The following KLHL32 variants were observed in gnomAD, a reference collection of about 807,000 sequenced individuals.
The protein encoded by KLHL32 is kelch like family member 32, also known as kelch-like protein 32.
Under a neutral mutation model 64.8 loss-of-function variants are expected in KLHL32, and 35 were observed. The ratio of observed to expected loss-of-function variants is 0.54; its 90% CI spans 0.41 to 0.72. KLHL32 has a LOEUF of 0.72. KLHL32 is among the 30% of genes least tolerant of loss of function. The pLI is 0.00. For missense variants in KLHL32, 589 were observed against 768.5 expected (o/e 0.77, Z 2.76); for synonymous variants, 259 against 281.0 (o/e 0.92, Z 0.78).
intron 6 of KLHL32, among the ~76,000 whole-genome samples, chr6:97,094,254 G>T (rs1794658349): frequency 6.6e-6 from 1 of 152,184 alleles, no homozygotes; most frequent in East Asian, 1.9e-4. Context: ...TGCTATTCTG[G>T]GAGTTCTATA....
At chr6:97,111,341 C>T (rs1797106981) in intron 6 of KLHL32, among the ~76,000 whole-genome samples, 1 of 152,236 alleles carries the variant, frequency 6.6e-6, no homozygotes. Flanking sequence ...TAGGCAGGCT[C>T]CCAGAGGAAG....
the KLHL32 span, among the ~76,000 whole-genome samples, chr6:96,919,530 T>G: frequency 6.6e-6 from 1 of 152,336 alleles, no homozygotes; most frequent in South Asian, 2.1e-4. Flanking sequence ...ATGGGTGAAG[T>G]TATGTAGTTT....
intron 4 of KLHL32, among the ~76,000 whole-genome samples, chr6:97,053,584 A>G (rs796989122): frequency 4.6e-5 from 7 of 152,252 alleles, no homozygotes; most frequent in African/African-American, 1.2e-4. Context: ...CTTACATGTT[A>G]TATGTTATCT....
At chr6:97,003,052 A>C (rs1779234840) in intron 3 of KLHL32, among the ~76,000 whole-genome samples, 1 of 152,162 alleles carries the variant, frequency 6.6e-6, no homozygotes, top group Admixed American at 6.5e-5. Context: ...GGTAGTTCTA[A>C]GTTCTTTGAG....
intron 3 of KLHL32, among the ~76,000 whole-genome samples, chr6:97,022,308 T>C (rs1281340642): frequency 6.6e-6 from 1 of 150,688 alleles, no homozygotes; most frequent in Non-Finnish European, 1.5e-5. Flanking sequence ...TGCTATTCCC[T>C]CAGACAGGCA....
intron 3 of KLHL32, among the ~76,000 whole-genome samples, chr6:97,027,173 A>G (rs947445612): frequency 6.6e-6 from 1 of 151,848 alleles, no homozygotes; most frequent in African/African-American, 2.4e-5. Flanking sequence ...AAAAAAAAAA[A>G]AAAAGAAAAA....
At chr6:97,126,056 T>A (rs1798840535) in intron 7 of KLHL32, among the ~76,000 whole-genome samples, 1 of 152,198 alleles carries the variant, frequency 6.6e-6, no homozygotes, top group South Asian at 2.1e-4. Flanking sequence ...GCTGGGGGAA[T>A]GTTAAGGCCC....
intron 8 of KLHL32, 44 bp downstream of exon 8, chr6:97,127,506 T>A: frequency 6.8e-7 from 1 of 1,477,314 alleles, no homozygotes; most frequent in East Asian, 2.3e-5. Flanking sequence ...ATTAATGAAT[T>A]TTAAAAGATT....
intron 3 of KLHL32, among the ~76,000 whole-genome samples, chr6:97,041,209 C>T (rs533000997): frequency 1.2e-4 from 18 of 152,156 alleles, no homozygotes; most frequent in African/African-American, 2.9e-4. Flanking sequence ...AGAAAGCGTT[C>T]GGTGGGCCTA....
intron 1 of KLHL32, among the ~76,000 whole-genome samples, chr6:96,933,128 A>G (rs1275382346): frequency 3.9e-5 from 6 of 152,156 alleles, no homozygotes; most frequent in Non-Finnish European, 8.8e-5. Flanking sequence ...AATTAGTTAC[A>G]TGGTTTATCT....
At chr6:96,911,862 A>AGCTGCCT in the KLHL32 span, among the ~76,000 whole-genome samples, 2 of 39,388 alleles carry the variant, frequency 5.1e-5, no homozygotes, top group Non-Finnish European at 1.0e-4. Flanking sequence ...GGCAGCTGCC[A>AGCTGCCT]CTCCTCCATT....
intron 10 of KLHL32, among the ~76,000 whole-genome samples, chr6:97,138,276 C>T (rs1562374764): frequency 6.6e-6 from 1 of 152,184 alleles, no homozygotes; most frequent in Non-Finnish European, 1.5e-5. Flanking sequence ...CAGTGGCTTA[C>T]ACTTATAATC....
chr6:97,047,874 C>A lies in KLHL32; in HGVS notation c.312+6275C>A, dbSNP rs115866886. ...AGCCCTGCTTGGAAAGTAGAACTTCCAGCACCAAAGGCCTTGGGATAAGCC... is the reference window on the plus strand; with the variant it reads ...AGCCCTGCTTGGAAAGTAGAACTTCAAGCACCAAAGGCCTTGGGATAAGCC... On this transcript the variant is annotated intron_variant, in intron 4 of 10. Transcript: ENST00000369261. Among the ~76,000 whole-genome samples, 517 of 152,258 alleles carry A rather than the reference C, an allele frequency of 3.4e-3. 1 individual carries two copies. Among genetic ancestry groups the A allele is most frequent in the African/African-American group, 0.012 (490 of 41,562 alleles).
intron 3 of KLHL32, among the ~76,000 whole-genome samples, chr6:96,989,252 T>C (rs35626077): frequency 0.26 from 39,643 of 152,132 alleles, 5,240 homozygotes; most frequent in East Asian, 0.32. Context: ...TTCATTTCCA[T>C]ATTTAGCACT....
chr6:96,983,963 G>T (rs111805687), intron 3 of KLHL32, among the ~76,000 whole-genome samples: 1,693 of 151,964 alleles, frequency 0.011, 41 homozygotes, highest in African/African-American at 0.039. Flanking sequence ...TTCTTTTAAT[G>T]GTGATGTTAG....
In KLHL32 at chr6:97,056,401, G is replaced by A. The variant is rs571027255; in HGVS notation, c.313-8227G>A. ...ATTACAAACGTGAGCCACCAGGCCCGGCCCACCAGCCTGCCTATTCTCTCT... is the reference window on the plus strand; with the variant it reads ...ATTACAAACGTGAGCCACCAGGCCCAGCCCACCAGCCTGCCTATTCTCTCT... On this transcript the variant is annotated intron_variant, in intron 4 of 10. Coordinates refer to ENST00000369261, the MANE Select transcript of KLHL32 (RefSeq NM_052904.4). Among the ~76,000 whole-genome samples, 10 of 152,050 alleles carry A rather than the reference G, an allele frequency of 6.6e-5. No homozygotes were observed. In the East Asian group the frequency reaches 7.8e-4, roughly 12 times the overall value.
At chr6:96,932,120 T>C (rs956577324) in intron 1 of KLHL32, among the ~76,000 whole-genome samples, 1 of 151,968 alleles carries the variant, frequency 6.6e-6, no homozygotes, top group African/African-American at 2.4e-5. Flanking sequence ...GTGGTGTAGA[T>C]GTAATCAGAT....
chr6:97,083,720 A>G (rs946992075), intron 5 of KLHL32, among the ~76,000 whole-genome samples: 1 of 152,210 alleles, frequency 6.6e-6, no homozygotes, highest in Non-Finnish European at 1.5e-5. Context: ...TCTGAATTTT[A>G]TGAAATGAGC....
At chr6:96,988,900 A>G (rs933423878) in intron 3 of KLHL32, among the ~76,000 whole-genome samples, 1 of 152,172 alleles carries the variant, frequency 6.6e-6, no homozygotes, top group African/African-American at 2.4e-5. Flanking sequence ...TGGGAATTGA[A>G]CAATGAGAAC....
Sources: allele counts gnomAD v4.1 joint callset (sites outside exome capture counted in the v4.1 genomes callset), GRCh38; gene constraint gnomAD v4.1.1; transcripts MANE v1.5; gene names NCBI Gene and HGNC (gene_info 2026-07-23, HGNC 2026-07-21).